CDH12: variants seen among roughly 807,000 people sequenced by gnomAD.
CDH12 encodes the protein cadherin 12, also known as cadherin-12.
A neutral mutation model predicts 74.1 loss-of-function variants in CDH12; 41 were observed. That is an observed-to-expected ratio of 0.55 (90% CI 0.43 to 0.72). The LOEUF is 0.72. Among genes scored for constraint, CDH12 ranks in the 30% least tolerant of loss-of-function variants. CDH12 has a pLI of 0.00. For missense variants in CDH12, 945 were observed against 977.2 expected, an observed-to-expected ratio of 0.97 and a Z score of 0.44; for synonymous variants, 399 against 355.0, an observed-to-expected ratio of 1.12 and a Z score of -1.39.
intron 3 of CDH12, among the ~76,000 whole-genome samples, chr5:22,310,781 T>A (rs1243959829): frequency 6.6e-6 from 1 of 152,184 alleles, no homozygotes; most frequent in Non-Finnish European, 1.5e-5. Context: ...TCTTTTATCA[T>A]CATGGATGTT....
At chr5:22,752,780 T>C (rs1330185741) in intron 1 of CDH12, among the ~76,000 whole-genome samples, 1 of 151,328 alleles carries the variant, frequency 6.6e-6, no homozygotes, top group East Asian at 2.0e-4. Context: ...TCACCGTTTT[T>C]AGCCGGGATG....
Position 22,350,819 on chromosome 5 carries a change from C to T in CDH12, c.-333+54438G>A, listed in dbSNP as rs183245157. ...AATGTTAAATCTAATTTATTATTAT[C>T]GAATAAGCAACCTAAAGTTTCTTTA... On this transcript the variant is annotated intron_variant, in intron 3 of 14. Coordinates refer to ENST00000382254, the MANE Select transcript of CDH12 (RefSeq NM_004061.5). Among the ~76,000 whole-genome samples the T allele has an allele frequency of 7.9e-5, 12 of 152,146 alleles. No individual in the cohort carries two copies. The South Asian group carries it at 1.9e-3, about 24-fold the overall frequency.
intron 3 of CDH12, among the ~76,000 whole-genome samples, chr5:22,368,857 G>A (rs976903761): frequency 2.0e-5 from 3 of 152,088 alleles, no homozygotes; most frequent in Non-Finnish European, 4.4e-5. Flanking sequence ...CATCTTTCGG[G>A]TCAGGCGTGG....
intron 4 of CDH12, among the ~76,000 whole-genome samples, chr5:22,125,169 T>C (rs996718443): frequency 3.3e-5 from 5 of 152,154 alleles, no homozygotes; most frequent in African/African-American, 1.2e-4. Context: ...GGTATACATG[T>C]ACCATGGTGG....
chr5:22,107,992 A>T (rs1347076250), intron 4 of CDH12, among the ~76,000 whole-genome samples: 1 of 152,246 alleles, frequency 6.6e-6, no homozygotes. Context: ...GTTCAGTAAT[A>T]GCATGGAACT....
rs563303822 is a variant in CDH12 at position 22,116,763 on chromosome 5, T to C, written c.-186-37901A>G. ...CTTCTGTATATAATAAATGGTGTTT[T>C]AAGCCACTACATTGGTGATCACCTG... On this transcript the variant is annotated intron_variant, in intron 4 of 14. Coordinates refer to ENST00000382254, the MANE Select transcript of CDH12 (RefSeq NM_004061.5). Among the ~76,000 whole-genome samples, 145 of 152,194 alleles carry C rather than the reference T, an allele frequency of 9.5e-4. 2 individuals carry two copies. Among genetic ancestry groups the C allele is most frequent in the African/African-American group, 3.4e-3 (142 of 41,524 alleles).
rs182460363 is a variant in CDH12, at chr5:22,822,823, C to T, written c.-523+30235G>A. 1.6e-3 allele frequency among the ~76,000 whole-genome samples: 236 copies of T among 152,122 alleles called. 1 individual carries two copies. The highest frequency in any genetic ancestry group is 5.1e-3 in the African/African-American group (213 of 41,532). ...GTTCAACCATTGTGGAAGTCAGTGT[C>T]GCCATTTCTCAGGGATCTAGAACTG... On this transcript the variant is annotated intron_variant, in intron 1 of 14. Transcript: ENST00000382254.
intron 3 of CDH12, among the ~76,000 whole-genome samples, chr5:22,322,555 T>A (rs1342525483): frequency 2.6e-5 from 4 of 152,120 alleles, no homozygotes; most frequent in Admixed American, 1.3e-4. Flanking sequence ...ACGATGATGA[T>A]CATGATGATA....
At chr5:22,673,781 T>G (rs2126918028) in intron 1 of CDH12, among the ~76,000 whole-genome samples, 1 of 152,272 alleles carries the variant, frequency 6.6e-6, no homozygotes, top group East Asian at 1.9e-4. Context: ...TTTTAAAGAT[T>G]AATGGTAATA....
chr5:22,665,409 A>T (rs1475648083), intron 1 of CDH12, among the ~76,000 whole-genome samples: 4 of 152,180 alleles, frequency 2.6e-5, no homozygotes, highest in Non-Finnish European at 5.9e-5. Context: ...ATTATATCAA[A>T]TAGGATGCAG....
At chr5:22,275,736 T>C (rs977302160) in intron 3 of CDH12, among the ~76,000 whole-genome samples, 1 of 152,192 alleles carries the variant, frequency 6.6e-6, no homozygotes, top group Non-Finnish European at 1.5e-5. Context: ...ATTTTCAATG[T>C]GTGACTTCCA....
At chr5:22,083,470 G>T (rs1281033953) in intron 4 of CDH12, among the ~76,000 whole-genome samples, 1 of 151,822 alleles carries the variant, frequency 6.6e-6, no homozygotes, top group African/African-American at 2.4e-5. Flanking sequence ...CTGTTCCTGG[G>T]GTCTACACTA....
At chr5:22,058,005 C>G (rs889898393) in intron 5 of CDH12, among the ~76,000 whole-genome samples, 3 of 129,754 alleles carry the variant, frequency 2.3e-5, no homozygotes, top group Non-Finnish European at 4.9e-5. Context: ...TGTATTCTAT[C>G]TATCTATCTA....
intron 1 of CDH12, among the ~76,000 whole-genome samples, chr5:22,731,780 A>G (rs1169225493): frequency 2.0e-5 from 3 of 151,910 alleles, no homozygotes; most frequent in Admixed American, 2.0e-4. Context: ...TCACTTTGCA[A>G]CAAGAGAATT....
intron 1 of CDH12, among the ~76,000 whole-genome samples, chr5:22,653,964 T>A: frequency 6.6e-6 from 1 of 152,154 alleles, no homozygotes; most frequent in East Asian, 1.9e-4. Flanking sequence ...TCTATTCTCA[T>A]GGCTTGAAAT....
rs910435860 is a variant in CDH12, at chr5:22,505,350, T to C, written c.-508A>G. 1.0e-5 allele frequency: 10 copies of C among 983,126 alleles called. No individual in the cohort carries two copies. The African/African-American group carries it at 1.7e-4, about 17-fold the overall frequency. 60.9% of individuals were successfully genotyped at this position (983,126 alleles called of 1,614,324 possible). A position where few individuals can be genotyped will look rare whatever the true frequency, so the allele number is the denominator to read the frequency against. ...TCTATATTTCCCAAAAGAGCCAAGC[T>C]GTTAGGTAACAAAGCTGGAAAGACA... On this transcript the variant is annotated 5_prime_UTR_variant, in exon 2 of 15. Transcript: ENST00000382254.
intron 6 of CDH12, among the ~76,000 whole-genome samples, chr5:21,900,001 T>C (rs1472026612): frequency 1.3e-5 from 2 of 152,170 alleles, no homozygotes; most frequent in Non-Finnish European, 2.9e-5. Flanking sequence ...GGAATTTATA[T>C]ATACAAATCC....
chr5:21,886,058 C>A (rs1173704084), intron 6 of CDH12, among the ~76,000 whole-genome samples: 1 of 152,062 alleles, frequency 6.6e-6, no homozygotes. Flanking sequence ...GGTTAAGCAC[C>A]ATTTTTGTTT....
intron 6 of CDH12, among the ~76,000 whole-genome samples, chr5:21,880,615 CCTTCT>C (rs1752254909): frequency 1.2e-5 from 1 of 84,658 alleles, no homozygotes; most frequent in African/African-American, 4.7e-5. Context: ...TTCCTTCCTT[CCTTCT>C]TTCTTTCTTT....
Sources: allele counts gnomAD v4.1 joint callset (sites outside exome capture counted in the v4.1 genomes callset), GRCh38; gene constraint gnomAD v4.1.1; transcripts MANE v1.5; gene names NCBI Gene and HGNC (gene_info 2026-07-23, HGNC 2026-07-21).